Variants in CYREN observed in about 807,000 individuals in gnomAD.
CYREN encodes cell cycle regulator of non-homologous end joining.
A neutral mutation model predicts 9.7 loss-of-function variants in CYREN; 7 were observed. The observed-to-expected ratio is 0.72, with a 90% confidence interval of 0.41 to 1.36. CYREN has a LOEUF of 1.36. Ranked by LOEUF, CYREN falls within the 40% of genes most tolerant of loss-of-function variation. CYREN has a pLI of 0.01. For synonymous variants in CYREN, 76 were observed against 77.9 expected (o/e 0.98, Z 0.13); for missense variants, 215 against 198.1 (o/e 1.09, Z -0.51).
intron 2 of CYREN, chr7:135,168,567 C>T (rs1439605795): frequency 1.6e-6 from 1 of 614,048 alleles, no homozygotes. Flanking sequence ...GCAGGGCACT[C>T]ACCAGTGCAG....
chr7:135,150,726 T>G (rs1829648780), intron 2 of CYREN, among the ~76,000 whole-genome samples: 1 of 151,848 alleles, frequency 6.6e-6, no homozygotes, highest in East Asian at 1.9e-4. Context: ...AGAAACCAAA[T>G]GAGATTAGCT....
chr7:135,137,824 C>T (rs913494252), intron 2 of CYREN, among the ~76,000 whole-genome samples: 3 of 152,014 alleles, frequency 2.0e-5, no homozygotes, highest in African/African-American at 7.2e-5. Context: ...TCAACAGATC[C>T]AGTGTCCAGT....
chr7:135,118,591 T>G (rs1826654167), intron 2 of CYREN, among the ~76,000 whole-genome samples: 1 of 152,118 alleles, frequency 6.6e-6, no homozygotes, highest in Admixed American at 6.5e-5. Flanking sequence ...TCTCATAACA[T>G]AATATGAAAG....
chr7:135,093,175 GGCTTCA>G (rs1331019422), exon 3 of CYREN: 2 of 151,616 alleles, frequency 1.3e-5, no homozygotes, highest in East Asian at 3.9e-4. Context: ...TTATAATGAA[GGCTTCA>G]GCCGGGCAAT....
intron 2 of CYREN, among the ~76,000 whole-genome samples, chr7:135,138,087 T>A (rs1054403589): frequency 6.6e-6 from 1 of 151,998 alleles, no homozygotes; most frequent in African/African-American, 2.4e-5. Context: ...CCAGTGAAAT[T>A]GTCCTCCAAA....
At chr7:135,132,395 C>T (rs1828889654) in intron 2 of CYREN, among the ~76,000 whole-genome samples, 1 of 152,092 alleles carries the variant, frequency 6.6e-6, no homozygotes, top group Non-Finnish European at 1.5e-5. Flanking sequence ...TTCATATTAG[C>T]AAGCTTAAGA....
At chr7:135,159,716 G>GA (rs1829880178) in intron 2 of CYREN, among the ~76,000 whole-genome samples, 1 of 152,148 alleles carries the variant, frequency 6.6e-6, no homozygotes, top group Admixed American at 6.5e-5. Flanking sequence ...AACAAAAACT[G>GA]AAACTCAAAA....
chr7:135,126,715 C>G (rs990721023), intron 2 of CYREN, among the ~76,000 whole-genome samples: 5 of 152,084 alleles, frequency 3.3e-5, no homozygotes, highest in Non-Finnish European at 7.4e-5. Context: ...AATAATACCA[C>G]ACATCTACAA....
At chr7:135,150,145 G>A (rs553630923) in intron 2 of CYREN, among the ~76,000 whole-genome samples, 2 of 152,090 alleles carry the variant, frequency 1.3e-5, no homozygotes, top group South Asian at 4.2e-4. Context: ...ATTTATTTGG[G>A]TATGTGGAGT....
At chr7:135,168,049 A>G (rs1357272083) in intron 2 of CYREN, 23 of 570,294 alleles carry the variant, frequency 4.0e-5, no homozygotes, top group Non-Finnish European at 6.4e-5. Flanking sequence ...ACTGCCCTAC[A>G]AGGATCTGGA....
chr7:135,111,311 A>G (rs1825609952), intron 2 of CYREN, among the ~76,000 whole-genome samples: 1 of 152,150 alleles, frequency 6.6e-6, no homozygotes, highest in African/African-American at 2.4e-5. Flanking sequence ...GCCAACATTC[A>G]TTACCTTCAC....
intron 2 of CYREN, among the ~76,000 whole-genome samples, chr7:135,110,167 T>C (rs1309095813): frequency 2.6e-5 from 4 of 152,082 alleles, no homozygotes; most frequent in African/African-American, 7.2e-5. Context: ...TCCAAGCCAG[T>C]CCCTCTGGGA....
At chr7:135,101,143 G>A (rs987335328) in intron 2 of CYREN, 3 of 455,392 alleles carry the variant, frequency 6.6e-6, no homozygotes, top group East Asian at 6.9e-5. Context: ...AAATCAGTGA[G>A]AGGCCAATCT....
chr7:135,145,758 G>A (rs1285250290), intron 2 of CYREN, among the ~76,000 whole-genome samples: 2 of 152,064 alleles, frequency 1.3e-5, no homozygotes, highest in Non-Finnish European at 1.5e-5. Flanking sequence ...GGCACACCTC[G>A]GAGATATGTT....
intron 2 of CYREN, chr7:135,128,508 T>C: frequency 1.3e-6 from 1 of 758,954 alleles, no homozygotes; most frequent in South Asian, 1.3e-5. Flanking sequence ...ACGATGGAGA[T>C]GAATTTAGAA....
chr7:135,123,276 C>T (rs867139133), intron 2 of CYREN, among the ~76,000 whole-genome samples: 5 of 152,076 alleles, frequency 3.3e-5, no homozygotes, highest in South Asian at 2.1e-4. Flanking sequence ...GAATCGACCA[C>T]GCAGAAGAAA....
chr7:135,111,182 A>G (rs967066103), intron 2 of CYREN, among the ~76,000 whole-genome samples: 7 of 115,082 alleles, frequency 6.1e-5, no homozygotes, highest in Admixed American at 4.5e-4. Context: ...TTTCAAAGAA[A>G]TAAATATCCC....
downstream of CYREN, chr7:135,164,910 G>C (rs201284142): frequency 1.2e-6 from 2 of 1,614,104 alleles, no homozygotes; most frequent in Non-Finnish European, 1.7e-6. Flanking sequence ...TCTGGGCAGC[G>C]CCCAGGCCTT....
chr7:135,106,844 G>A (rs12533023), intron 2 of CYREN, among the ~76,000 whole-genome samples: 67,324 of 151,820 alleles, frequency 0.44, 15,552 homozygotes, highest in East Asian at 0.78. Flanking sequence ...GTTTTGTCCT[G>A]GGATTTTTTT....
Sources: allele counts gnomAD v4.1 joint callset (sites outside exome capture counted in the v4.1 genomes callset), GRCh38; gene constraint gnomAD v4.1.1; transcripts MANE v1.5; gene names NCBI Gene and HGNC (gene_info 2026-07-23, HGNC 2026-07-21).